TBC1D1: variants seen among roughly 807,000 people sequenced by gnomAD.
TBC1D1 encodes the protein TBC1 (tre-2/USP6, BUB2, cdc16) domain family, member 1.
A neutral mutation model predicts 125.6 loss-of-function variants in TBC1D1; 89 were observed. The observed-to-expected ratio is 0.71, with a 90% CI of 0.60 to 0.85. The LOEUF is 0.85. Ranked by LOEUF, TBC1D1 falls within the 40% of genes least tolerant of loss-of-function variation. TBC1D1 has a pLI of 0.00. For missense variants in TBC1D1, 1,377 were observed against 1,469.2 expected (o/e 0.94, Z 1.03); for synonymous variants, 565 against 564.1 (o/e 1.00, Z -0.02).
intron 12 of TBC1D1, among the ~76,000 whole-genome samples, chr4:38,071,828 G>A (rs1430397830): frequency 1.3e-5 from 2 of 152,216 alleles, no homozygotes; most frequent in African/African-American, 2.4e-5. Context: ...AGCCTTTTAT[G>A]TTAGAAAAGG....
At chr4:37,960,528 A>G (rs758475964) in intron 2 of TBC1D1, 42 of 1,614,066 alleles carry the variant, frequency 2.6e-5, no homozygotes, top group Non-Finnish European at 3.5e-5. Context: ...TAGACCTTCA[A>G]TCAAAGCATT....
At chr4:38,082,474 T>C (rs977343057) in intron 12 of TBC1D1, among the ~76,000 whole-genome samples, 1 of 152,242 alleles carries the variant, frequency 6.6e-6, no homozygotes, top group Non-Finnish European at 1.5e-5. Flanking sequence ...AGGCGGAATA[T>C]TTGTTTCTCT....
chr4:37,937,503 T>A (rs1724632143), intron 2 of TBC1D1, among the ~76,000 whole-genome samples: 1 of 152,194 alleles, frequency 6.6e-6, no homozygotes, highest in Non-Finnish European at 1.5e-5. Context: ...CTGGTATTAG[T>A]TGGTAATGTG....
At chr4:38,041,596 G>A (rs116583343) in intron 8 of TBC1D1, among the ~76,000 whole-genome samples, 3,374 of 152,286 alleles carry the variant, frequency 0.022, 128 homozygotes, top group African/African-American at 0.077. Context: ...ATTAGGTTAT[G>A]CAGTGAATAT....
At chr4:37,895,122 T>A (rs2152206848) in intron 1 of TBC1D1, among the ~76,000 whole-genome samples, 1 of 152,344 alleles carries the variant, frequency 6.6e-6, no homozygotes, top group South Asian at 2.1e-4. Flanking sequence ...ATTCTGCCAC[T>A]TCTTATAGTA....
At chr4:37,985,233 G>A (rs544662055) in intron 2 of TBC1D1, among the ~76,000 whole-genome samples, 32 of 152,260 alleles carry the variant, frequency 2.1e-4, no homozygotes, top group African/African-American at 7.2e-4. Flanking sequence ...GATTACAGGC[G>A]TGAGCCACCG....
chr4:37,904,223 T>A (rs879629132), intron 2 of TBC1D1, among the ~76,000 whole-genome samples: 2,827 of 152,356 alleles, frequency 0.019, 89 homozygotes, highest in African/African-American at 0.065. Context: ...AAAATTTTAC[T>A]AGAGGCAGAT....
At chr4:38,080,362 T>C (rs6856799) in intron 12 of TBC1D1, among the ~76,000 whole-genome samples, 66,205 of 152,028 alleles carry the variant, frequency 0.44, 16,291 homozygotes, top group East Asian at 0.66. Flanking sequence ...GGTAACTCCA[T>C]GTGGTTACTG....
At chr4:38,039,565 C>T (rs188735039) in intron 8 of TBC1D1, among the ~76,000 whole-genome samples, 1 of 152,144 alleles carries the variant, frequency 6.6e-6, no homozygotes, top group South Asian at 2.1e-4. Flanking sequence ...CCTTTTTGTT[C>T]TGTGGTATTA....
chr4:38,039,859 A>G (rs1748001334), intron 8 of TBC1D1, among the ~76,000 whole-genome samples: 1 of 152,128 alleles, frequency 6.6e-6, no homozygotes, highest in African/African-American at 2.4e-5. Flanking sequence ...CACGCCTGTA[A>G]TCCTAGCACT....
chr4:38,088,009 C>T (rs952912186), intron 12 of TBC1D1, among the ~76,000 whole-genome samples: 2 of 150,428 alleles, frequency 1.3e-5, no homozygotes, highest in African/African-American at 4.9e-5. Flanking sequence ...CAGGACAGCG[C>T]CTGCCATGCC....
At chr4:37,945,729 G>T (rs1014764618) in intron 2 of TBC1D1, among the ~76,000 whole-genome samples, 9 of 152,156 alleles carry the variant, frequency 5.9e-5, no homozygotes, top group African/African-American at 1.9e-4. Flanking sequence ...CCCATACAAA[G>T]CCTTTCTATT....
chr4:38,018,872 A>G (rs1743393678), intron 4 of TBC1D1, among the ~76,000 whole-genome samples: 1 of 152,064 alleles, frequency 6.6e-6, no homozygotes, highest in African/African-American at 2.4e-5. Context: ...CTTCAAATAT[A>G]GATAGTGCTT....
chr4:37,896,858 A>T (rs956524753), intron 1 of TBC1D1, among the ~76,000 whole-genome samples: 6 of 151,996 alleles, frequency 3.9e-5, no homozygotes, highest in African/African-American at 1.5e-4. Context: ...GCTGCCAGAG[A>T]TATGTAGCAT....
intron 17 of TBC1D1, among the ~76,000 whole-genome samples, chr4:38,124,562 C>T (rs564364137): frequency 3.9e-4 from 59 of 152,292 alleles, no homozygotes; most frequent in African/African-American, 1.3e-3. Context: ...GAAACAGAGA[C>T]ACTTTTTCAC....
At chr4:37,984,651 C>T (rs1197602810) in intron 2 of TBC1D1, among the ~76,000 whole-genome samples, 2 of 151,850 alleles carry the variant, frequency 1.3e-5, no homozygotes, top group African/African-American at 4.8e-5. Context: ...TGAGACCAGC[C>T]TGGCCAACAT....
chr4:38,021,452 C>A, intron 5 of TBC1D1, 134 bp from the exon 6 acceptor site: 9 of 652,018 alleles, frequency 1.4e-5, no homozygotes, highest in Non-Finnish European at 2.2e-5. Context: ...CAATTATTAT[C>A]TGTCAACCTG....
intron 18 of TBC1D1, chr4:38,132,607 G>A (rs1685665199): frequency 6.0e-6 from 1 of 166,306 alleles, no homozygotes; most frequent in Admixed American, 6.5e-5. Context: ...CCATTACTTA[G>A]CTGTTCTTGT....
In TBC1D1 at chr4:38,014,634, G is replaced by T; in HGVS notation, c.543G>T (p.Val181=). The change falls in exon 3 of 20, where the codon GTG becomes GTT. Residue 181 remains valine (V), a synonymous_variant. Coordinates refer to ENST00000261439, the MANE Select transcript of TBC1D1 (RefSeq NM_015173.4). The surrounding 1 kb of genome is among the most constrained non-coding windows in gnomAD (Gnocchi z 5.1). ...TCGAGGTGCTCTTCTGCGGCCGCGT[G>T]ACGGTGGCGCACAAGAAGGCTCCGC... 6.2e-7 allele frequency: 1 copy of T among 1,613,398 alleles called. No homozygotes were observed. The highest frequency in any genetic ancestry group is 2.2e-5 in the East Asian group (1 of 44,886).
Sources: gnomAD v4.1 joint callset for allele counts (sites outside exome capture counted in the v4.1 genomes callset) on GRCh38, gnomAD v4.1.1 for gene constraint, Gnocchi (gnomAD v3.1) non-coding constraint, MANE v1.5 for transcripts, NCBI Gene and HGNC (gene_info 2026-07-23, HGNC 2026-07-21) for gene names.